Variants in CFAP44 observed in about 807,000 individuals in gnomAD.
CFAP44 encodes the protein cilia- and flagella-associated protein 44.
A neutral mutation model predicts 216.2 loss-of-function variants in CFAP44; 134 were observed. That is an observed-to-expected ratio of 0.62 (90% CI 0.54 to 0.72). CFAP44 has a LOEUF of 0.72. Ranked by LOEUF, CFAP44 falls within the 30% of genes least tolerant of loss-of-function variation. The pLI is 0.00. For missense variants in CFAP44, 2,035 were observed against 2,182.1 expected (o/e 0.93, Z 1.34); for synonymous variants, 700 against 727.6 (o/e 0.96, Z 0.61).
chr3:113,298,897 G>A (rs566052620), intron 32 of CFAP44, among the ~76,000 whole-genome samples: 5 of 152,316 alleles, frequency 3.3e-5, no homozygotes, highest in Admixed American at 2.6e-4. Flanking sequence ...AAGTGTTCTG[G>A]AGATGGATGG....
chr3:113,410,278 T>G (rs551820765), intron 6 of CFAP44, among the ~76,000 whole-genome samples: 11 of 152,182 alleles, frequency 7.2e-5, no homozygotes, highest in Non-Finnish European at 1.3e-4. Flanking sequence ...TAGGTATATC[T>G]CCTAATGCTA....
chr3:113,375,655 G>A (rs766596716), intron 17 of CFAP44, among the ~76,000 whole-genome samples: 1 of 152,052 alleles, frequency 6.6e-6, no homozygotes, highest in Non-Finnish European at 1.5e-5. Context: ...AAATAAAAAT[G>A]AAGAAACTAA....
intron 2 of CFAP44, chr3:113,427,628 A>C (rs1432115171): frequency 4.3e-6 from 1 of 233,002 alleles, no homozygotes; most frequent in Non-Finnish European, 8.1e-6. Flanking sequence ...CTGCTATCAT[A>C]ATTTCAACTA....
At chr3:113,323,165 C>A (rs1320958686) in intron 28 of CFAP44, among the ~76,000 whole-genome samples, 1 of 152,120 alleles carries the variant, frequency 6.6e-6, no homozygotes, top group Admixed American at 6.5e-5. Context: ...AGGGACACAG[C>A]CAAACCATAA....
chr3:113,421,067 G>T (rs922855008), intron 4 of CFAP44, among the ~76,000 whole-genome samples: 3 of 152,092 alleles, frequency 2.0e-5, no homozygotes, highest in Admixed American at 2.0e-4. Context: ...ACAACCTACA[G>T]AATGGGAGAA....
At chr3:113,382,251 T>C (rs919448215) in intron 15 of CFAP44, among the ~76,000 whole-genome samples, 6 of 152,084 alleles carry the variant, frequency 3.9e-5, no homozygotes, top group East Asian at 3.9e-4. Context: ...AAGCATAGTA[T>C]CACAAAAGTG....
At chr3:113,353,453 TACACAC>T (rs34714015) in intron 22 of CFAP44, among the ~76,000 whole-genome samples, 31,258 of 141,666 alleles carry the variant, frequency 0.22, 3,882 homozygotes, top group East Asian at 0.41. Flanking sequence ...TATGTATGAA[TACACAC>T]ACACACACAC....
At position 113,344,660 on chromosome 3, in the gene CFAP44, C is replaced by A; in HGVS notation, c.3118G>T (p.Asp1040Tyr). 6.5e-7 allele frequency: 1 copy of A among 1,536,502 alleles called. No homozygotes were observed. The highest frequency in any genetic ancestry group is 8.7e-7 in the Non-Finnish European group (1 of 1,146,672). ...DTIVVHAILS[D>Y]HKISSYRLVQ... Reference sequence around the variant, plus strand: ...AGCCTGTAAGAGGATATCTTGTGGTCACTCAGTATGGCATGAACCACAATA... The same window carrying A: ...AGCCTGTAAGAGGATATCTTGTGGTAACTCAGTATGGCATGAACCACAATA... Residue 1040 changes from aspartate (D) to tyrosine (Y), a missense_variant, in exon 23 of 35, where the codon GAC becomes TAC. Physicochemically the swap from Asp to Tyr is radical, Grantham distance 160. Transcript: ENST00000393845.
intron 24 of CFAP44, among the ~76,000 whole-genome samples, chr3:113,333,915 A>C (rs939861502): frequency 1.3e-5 from 2 of 152,050 alleles, no homozygotes; most frequent in Non-Finnish European, 2.9e-5. Flanking sequence ...TAAGCCTTGG[A>C]AATTAGGTGG....
intron 28 of CFAP44, among the ~76,000 whole-genome samples, chr3:113,320,413 T>C (rs73235048): frequency 1.4e-5 from 2 of 141,402 alleles, no homozygotes; most frequent in East Asian, 4.0e-4. Flanking sequence ...GATATATACA[T>C]GATATATATA....
chr3:113,438,183 T>C (rs1935280373), intron 1 of CFAP44, among the ~76,000 whole-genome samples: 1 of 152,242 alleles, frequency 6.6e-6, no homozygotes, highest in South Asian at 2.1e-4. Flanking sequence ...GTTTTTACTA[T>C]ACTCCTAGAT....
In CFAP44 at chr3:113,379,286, A is replaced by AT; in HGVS notation, c.2298+19dup. 4.0e-6 allele frequency: 6 copies of AT among 1,492,384 alleles called. No homozygotes were observed. The highest frequency in any genetic ancestry group is 5.4e-6 in the Non-Finnish European group (6 of 1,114,844). 92.4% of individuals were successfully genotyped at this position (1,492,384 alleles called of 1,614,324 possible). A position where few individuals can be genotyped will look rare whatever the true frequency, so the allele number is the denominator to read the frequency against. ...ATATTGAAATATGATTGAGGTAAAA[A>AT]TTATTACATTGTTACTTACCAAAGA... On this transcript the variant is annotated intron_variant, in intron 17 of 34. Transcript: ENST00000393845.
At chr3:113,432,553 T>C (rs1576610730) in intron 2 of CFAP44, among the ~76,000 whole-genome samples, 1 of 152,214 alleles carries the variant, frequency 6.6e-6, no homozygotes, top group Non-Finnish European at 1.5e-5. Context: ...CTAAACAATA[T>C]GGATATACTG....
intron 13 of CFAP44, among the ~76,000 whole-genome samples, chr3:113,398,295 C>T (rs746344744): frequency 1.3e-5 from 2 of 152,028 alleles, no homozygotes; most frequent in Non-Finnish European, 2.9e-5. Flanking sequence ...AAGAAAATCA[C>T]AGAGGAAGGA....
intron 34 of CFAP44, chr3:113,294,300 G>T: frequency 3.5e-6 from 1 of 289,594 alleles, no homozygotes. Context: ...AGAAAACAGG[G>T]TAGATTTCAC....
intron 24 of CFAP44, among the ~76,000 whole-genome samples, chr3:113,338,408 C>G (rs894815768): frequency 6.6e-6 from 1 of 151,618 alleles, no homozygotes; most frequent in African/African-American, 2.4e-5. Flanking sequence ...ATAAAGAAGT[C>G]TAAAATCTCA....
At chr3:113,336,077 G>A (rs1001568549) in intron 24 of CFAP44, among the ~76,000 whole-genome samples, 3 of 152,080 alleles carry the variant, frequency 2.0e-5, no homozygotes, top group Non-Finnish European at 4.4e-5. Flanking sequence ...TGCTTAGGAG[G>A]AAATTTATAG....
At chr3:113,338,471 T>C (rs768536594) in intron 24 of CFAP44, among the ~76,000 whole-genome samples, 1 of 151,328 alleles carries the variant, frequency 6.6e-6, no homozygotes, top group Non-Finnish European at 1.5e-5. Flanking sequence ...ACACGAAGAG[T>C]CATGTCACTA....
intron 9 of CFAP44, among the ~76,000 whole-genome samples, chr3:113,403,505 T>C (rs750609141): frequency 6.6e-6 from 1 of 152,224 alleles, no homozygotes; most frequent in Admixed American, 6.5e-5. Context: ...TTCAGCACCT[T>C]TGTTCCTACA....
Sources: gnomAD v4.1 joint callset for allele counts (sites outside exome capture counted in the v4.1 genomes callset) on GRCh38, gnomAD v4.1.1 for gene constraint, MANE v1.5 for transcripts, NCBI Gene and HGNC (gene_info 2026-07-23, HGNC 2026-07-21) for gene names.